LPP: variants seen among roughly 807,000 people sequenced by gnomAD.
LPP encodes the protein LIM domain containing preferred translocation partner in lipoma, also known as lipoma-preferred partner.
Under a neutral mutation model 60.4 loss-of-function variants are expected in LPP, and 38 were observed. The observed-to-expected ratio is 0.63, with a 90% CI of 0.49 to 0.83. LPP has a LOEUF of 0.83. LPP is among the 40% of genes least tolerant of loss of function. The probability of loss-of-function intolerance (pLI) is 0.00; values close to 1 mark genes in which losing one functional copy is unlikely to be tolerated. For missense variants in LPP, 902 were observed against 783.6 expected (o/e 1.15, Z -1.80); for synonymous variants, 328 against 290.8 (o/e 1.13, Z -1.30).
chr3:188,176,463 G>A (rs191193715), intron 1 of LPP, among the ~76,000 whole-genome samples: 1 of 152,206 alleles, frequency 6.6e-6, no homozygotes, highest in East Asian at 1.9e-4. Context: ...GCTTCACATT[G>A]CCATCAGAGA....
intron 7 of LPP, among the ~76,000 whole-genome samples, chr3:188,647,732 T>C (rs903153815): frequency 6.6e-6 from 1 of 152,222 alleles, no homozygotes; most frequent in African/African-American, 2.4e-5. Context: ...AAACACGTTC[T>C]TTGAAGAAGA....
At chr3:188,206,316 G>T (rs1733210900) in intron 1 of LPP, among the ~76,000 whole-genome samples, 1 of 152,150 alleles carries the variant, frequency 6.6e-6, no homozygotes, top group Non-Finnish European at 1.5e-5. Context: ...CGAGCCACAA[G>T]GTCTTTGACC....
chr3:188,489,865 CTGTT>C (rs1321448621), intron 5 of LPP, among the ~76,000 whole-genome samples: 1 of 152,158 alleles, frequency 6.6e-6, no homozygotes, highest in African/African-American at 2.4e-5. Flanking sequence ...CTCTGCTTCT[CTGTT>C]TGTTTCCCAG....
intron 6 of LPP, among the ~76,000 whole-genome samples, chr3:188,546,509 A>T (rs76504452): frequency 6.6e-6 from 1 of 152,150 alleles, no homozygotes; most frequent in Non-Finnish European, 1.5e-5. Flanking sequence ...AAAAGAAGCA[A>T]CGTAACATTT....
At chr3:188,713,914 T>C (rs899897053) in intron 8 of LPP, among the ~76,000 whole-genome samples, 5 of 152,284 alleles carry the variant, frequency 3.3e-5, no homozygotes, top group African/African-American at 1.2e-4. Context: ...TTTTTTCTTA[T>C]TTTTTACCAG....
At chr3:188,235,489 T>G (rs545135704) in intron 2 of LPP, among the ~76,000 whole-genome samples, 2 of 152,192 alleles carry the variant, frequency 1.3e-5, no homozygotes, top group Non-Finnish European at 2.9e-5. Flanking sequence ...AGGTCCTCCC[T>G]GTCTTAAGAG....
intron 7 of LPP, among the ~76,000 whole-genome samples, chr3:188,619,117 C>T (rs909689181): frequency 3.9e-5 from 6 of 152,200 alleles, no homozygotes; most frequent in Middle Eastern, 3.4e-3. Context: ...CTCTGCCTCC[C>T]GGGTTCAAGT....
chr3:188,663,254 C>T (rs1391387145), intron 7 of LPP, among the ~76,000 whole-genome samples: 5 of 152,118 alleles, frequency 3.3e-5, no homozygotes, highest in East Asian at 3.9e-4. Flanking sequence ...GATTAAAGGG[C>T]CTTGTGGTGT....
rs565545188 is a variant in LPP, at chr3:188,696,233, C to T, written c.1114-12034C>T. Among the ~76,000 whole-genome samples the T allele has an allele frequency of 6.6e-5, 10 of 152,270 alleles. No individual in the cohort carries two copies. The East Asian group carries it at 9.6e-4, about 15-fold the overall frequency. ...TTTAAGCACACAGTACTCTCTCTCT[C>T]TCTCTCTCTGTCTCTCTTAATCTGT... On this transcript the variant is annotated intron_variant, in intron 7 of 11. Coordinates refer to ENST00000617246, the MANE Select transcript of LPP (RefSeq NM_001375462.1).
At chr3:188,582,684 G>T (rs58490414) in intron 6 of LPP, among the ~76,000 whole-genome samples, 11,292 of 152,118 alleles carry the variant, frequency 0.074, 473 homozygotes, top group South Asian at 0.16. Flanking sequence ...AGGTGCATTT[G>T]GATGTATTGC....
intron 9 of LPP, among the ~76,000 whole-genome samples, chr3:188,842,188 C>T (rs928431839): frequency 2.6e-5 from 4 of 152,164 alleles, no homozygotes; most frequent in African/African-American, 4.8e-5. Flanking sequence ...ACAGCATTTG[C>T]TATTACCTGT....
intron 6 of LPP, among the ~76,000 whole-genome samples, chr3:188,563,734 T>TG (rs1397695608): frequency 6.6e-6 from 1 of 150,760 alleles, no homozygotes; most frequent in East Asian, 2.0e-4. Context: ...TTTTGTTTTT[T>TG]TTTTGTTTTT....
Position 188,527,161 on chromosome 3 carries a change from C to T in LPP, c.429+2374C>T, listed in dbSNP as rs201370096. On this transcript the variant is annotated intron_variant, in intron 6 of 11. Coordinates refer to ENST00000617246, the MANE Select transcript of LPP (RefSeq NM_001375462.1). ...GAATATAGGTCTGGGACCAGCCTGG[C>T]CAACATGGTGAAACCCCATCTCTAC... Among the ~76,000 whole-genome samples, 32 of 152,004 alleles carry T rather than the reference C, an allele frequency of 2.1e-4. 1 individual carries two copies. The East Asian group carries it at 3.5e-3, about 17-fold the overall frequency.
chr3:188,272,267 C>T (rs527583001), intron 2 of LPP, among the ~76,000 whole-genome samples: 1 of 152,266 alleles, frequency 6.6e-6, no homozygotes, highest in East Asian at 1.9e-4. Context: ...AATATATTTC[C>T]AGATTGTCTG....
At chr3:188,720,597 C>T (rs1050958481) in intron 8 of LPP, among the ~76,000 whole-genome samples, 3 of 147,862 alleles carry the variant, frequency 2.0e-5, no homozygotes, top group African/African-American at 2.5e-5. Context: ...AAAAAATATC[C>T]GAGGCAATTA....
rs146311459 is a variant in LPP at position 188,619,398 on chromosome 3, A to G, written c.1113+9554A>G. 4.1e-3 allele frequency among the ~76,000 whole-genome samples: 622 copies of G among 152,326 alleles called. 2 individuals carry two copies. The highest frequency in any genetic ancestry group is 0.014 in the African/African-American group (582 of 41,578). ...AAATATTAGTTAAGTAAGCTACTAG[A>G]AGACAACTGAGGCTGGTGGTCTCTG... On this transcript the variant is annotated intron_variant, in intron 7 of 11. Transcript: ENST00000617246.
chr3:188,238,681 G>A (rs1327604376), intron 2 of LPP, among the ~76,000 whole-genome samples: 1 of 151,654 alleles, frequency 6.6e-6, no homozygotes, highest in African/African-American at 2.4e-5. Context: ...ATATGGCCAT[G>A]ATTTGTGATA....
At chr3:188,455,772 T>C (rs1255641743) in intron 4 of LPP, among the ~76,000 whole-genome samples, 1 of 152,174 alleles carries the variant, frequency 6.6e-6, no homozygotes, top group East Asian at 1.9e-4. Context: ...TTTTTCAGAA[T>C]TTTGCAGAGG....
chr3:188,210,675 A>G (rs989407372), intron 1 of LPP, among the ~76,000 whole-genome samples: 2 of 152,168 alleles, frequency 1.3e-5, no homozygotes, highest in African/African-American at 4.8e-5. Context: ...TACGTTTAAA[A>G]TATTTCATTC....
Sources: gnomAD v4.1 joint callset for allele counts (sites outside exome capture counted in the v4.1 genomes callset) on GRCh38, gnomAD v4.1.1 for gene constraint, MANE v1.5 for transcripts, NCBI Gene and HGNC (gene_info 2026-07-23, HGNC 2026-07-21) for gene names.